The following CAB39L variants were observed in gnomAD, a reference collection of about 807,000 sequenced individuals.
The protein encoded by CAB39L is calcium-binding protein 39-like.
In CAB39L, 23 loss-of-function variants were observed where a neutral mutation model predicts 39.1. The observed-to-expected ratio is 0.59, with a 90% CI of 0.42 to 0.83. CAB39L has a LOEUF of 0.83. CAB39L is among the 40% of genes least tolerant of loss of function. CAB39L has a pLI of 0.00. For synonymous variants in CAB39L, 126 were observed against 137.2 expected (o/e 0.92, Z 0.57); for missense variants, 366 against 391.9 (o/e 0.93, Z 0.56).
At position 49,382,859 on chromosome 13, in the gene CAB39L, C is replaced by A; in HGVS notation, c.52G>T (p.Val18Leu). 6.2e-7 allele frequency: 1 copy of A among 1,611,728 alleles called. No homozygotes were observed. Among genetic ancestry groups the A allele is most frequent in the African/African-American group, 1.3e-5 (1 of 74,972 alleles). ...GCCAAATTGTCTTTCAGGATTTTCA[C>A]AATTTCTGCTGGATTTTTGTGTGAT... ...SKSHKNPAEI[V>L]KILKDNLAIL... Residue 18 changes from valine (V) to leucine (L), a missense_variant, in exon 4 of 11, where the codon GTG becomes TTG. Coordinates refer to ENST00000409308, the MANE Select transcript of CAB39L (RefSeq NM_001079670.3).
chr13:49,416,148 C>T (rs1421711053), intron 3 of CAB39L, among the ~76,000 whole-genome samples: 1 of 152,218 alleles, frequency 6.6e-6, no homozygotes, highest in Non-Finnish European at 1.5e-5. Context: ...CCCCAACTGT[C>T]TCACTGTTCA....
chr13:49,367,481 G>A (rs1294776443), intron 5 of CAB39L, among the ~76,000 whole-genome samples: 1 of 152,202 alleles, frequency 6.6e-6, no homozygotes, highest in Non-Finnish European at 1.5e-5. Context: ...TAAACATGCA[G>A]CTAACCATAA....
chr13:49,326,473 C>A (rs190729147), intron 10 of CAB39L, among the ~76,000 whole-genome samples: 43 of 152,308 alleles, frequency 2.8e-4, no homozygotes, highest in Admixed American at 2.3e-3. Flanking sequence ...AGCCTATTAG[C>A]AGGCTAATGA....
rs1179579885 is a variant in CAB39L, at chr13:49,329,544, AATATATATAT to A, written c.834+2393_834+2402del. Among the ~76,000 whole-genome samples, 200 of 33,752 alleles carry A rather than the reference AATATATATAT, an allele frequency of 5.9e-3. 2 individuals are homozygous for A. Among genetic ancestry groups the A allele is most frequent in the Middle Eastern group, 0.013 (1 of 76 alleles). The allele number at this position is 33,752 out of a possible 152,430, so 22.1% of individuals were successfully genotyped here. A position where few individuals can be genotyped will look rare whatever the true frequency, so the allele number is the denominator to read the frequency against. ...ACATATCTCTTCAATTAAAAAAAAAAATATATATATATATATATATATATATATATATATA... is the reference window on the plus strand; with the variant it reads ...ACATATCTCTTCAATTAAAAAAAAAAATATATATATATATATATATATATA... On this transcript the variant is annotated intron_variant, in intron 10 of 10. Transcript: ENST00000409308.
At chr13:49,334,673 A>G (rs1218880573) in intron 9 of CAB39L, among the ~76,000 whole-genome samples, 1 of 152,056 alleles carries the variant, frequency 6.6e-6, no homozygotes, top group African/African-American at 2.4e-5. Flanking sequence ...TTACAACCTA[A>G]CTGTGTGATG....
chr13:49,383,372 A>G (rs1191254680), intron 3 of CAB39L, among the ~76,000 whole-genome samples: 2 of 152,166 alleles, frequency 1.3e-5, no homozygotes, highest in African/African-American at 4.8e-5. Flanking sequence ...CACAAAAGAG[A>G]AAGGCACAGT....
intron 7 of CAB39L, among the ~76,000 whole-genome samples, chr13:49,348,197 C>T (rs1049465008): frequency 6.6e-6 from 1 of 152,078 alleles, no homozygotes; most frequent in Non-Finnish European, 1.5e-5. Flanking sequence ...GATGGCATTG[C>T]GGTTCCTTTC....
At chr13:49,442,151 C>T (rs1957535836) in intron 1 of CAB39L, among the ~76,000 whole-genome samples, 1 of 152,150 alleles carries the variant, frequency 6.6e-6, no homozygotes, top group South Asian at 2.1e-4. Flanking sequence ...CTATTCTATA[C>T]TTCTTTCATT....
At chr13:49,443,779 C>T (rs1341741283) in intron 1 of CAB39L, among the ~76,000 whole-genome samples, 1 of 152,172 alleles carries the variant, frequency 6.6e-6, no homozygotes, top group East Asian at 1.9e-4. Context: ...CACCACCATT[C>T]CTCGCTCTCT....
In CAB39L at chr13:49,339,696, G is replaced by GTAA; in HGVS notation, c.668_670dup (p.Val223_Thr224insIle). On this transcript the variant is annotated inframe_insertion, in exon 9 of 11. Coordinates refer to ENST00000409308, the MANE Select transcript of CAB39L (RefSeq NM_001079670.3). Reference sequence around the variant, plus strand: ...TATTACCTTTAAAGACTGTCTCTTAGTAACATAATTCTCAGACTGAAGCAA... The same window carrying GTAA: ...TATTACCTTTAAAGACTGTCTCTTAGTAATAACATAATTCTCAGACTGAAGCAA... 1.9e-6 allele frequency: 3 copies of GTAA among 1,579,076 alleles called. No homozygotes were observed. Among genetic ancestry groups the GTAA allele is most frequent in the South Asian group, 2.4e-5 (2 of 83,320 alleles).
At chr13:49,394,857 A>T (rs1214946481) in intron 3 of CAB39L, among the ~76,000 whole-genome samples, 4 of 152,198 alleles carry the variant, frequency 2.6e-5, no homozygotes, top group African/African-American at 9.6e-5. Context: ...ATTAAATTTG[A>T]TGAAATATGT....
At chr13:49,382,732 C>T (rs146734013) in intron 4 of CAB39L, 68 bp downstream of exon 4, 1 of 949,136 alleles carries the variant, frequency 1.1e-6, no homozygotes, top group African/African-American at 1.6e-5. Context: ...CTTCATTAAG[C>T]TTTTACATTG....
intron 10 of CAB39L, among the ~76,000 whole-genome samples, chr13:49,317,002 C>T (rs1005309441): frequency 1.3e-5 from 2 of 152,122 alleles, no homozygotes; most frequent in African/African-American, 4.8e-5. Context: ...GAAGATTCTC[C>T]CTGAGAGTCT....
chr13:49,394,551 A>T (rs1956565415), intron 3 of CAB39L, among the ~76,000 whole-genome samples: 1 of 152,114 alleles, frequency 6.6e-6, no homozygotes, highest in South Asian at 2.1e-4. Context: ...AAAATAAACT[A>T]AAATAAAGGA....
intron 6 of CAB39L, chr13:49,351,194 T>C: frequency 3.9e-6 from 1 of 259,016 alleles, no homozygotes; most frequent in Non-Finnish European, 7.2e-6. Flanking sequence ...AAAAGATAAT[T>C]TCATACACTG....
At chr13:49,404,952 A>G (rs1170945681) in intron 3 of CAB39L, among the ~76,000 whole-genome samples, 1 of 152,210 alleles carries the variant, frequency 6.6e-6, no homozygotes, top group Non-Finnish European at 1.5e-5. Flanking sequence ...TCAAAATGGC[A>G]AATCTAAGAG....
At position 49,428,809 on chromosome 13, in the gene CAB39L, A is replaced by C. The variant is rs74074081; in HGVS notation, c.-32+4509T>G. On this transcript the variant is annotated intron_variant, in intron 3 of 10. Transcript: ENST00000409308. The stretch of plus-strand genomic sequence containing the variant: ...GCCTCAATCATAAAAAGAAAGCAGG[A>C]AAGTAGGAGGTTGGTATGACTTTTG... Among the ~76,000 whole-genome samples the C allele has an allele frequency of 7.9e-3, 1,122 of 142,598 alleles. 13 individuals carry two copies. Among genetic ancestry groups the C allele is most frequent in the African/African-American group, 0.028 (1,049 of 37,158 alleles). 93.5% of individuals were successfully genotyped at this position (142,598 alleles called of 152,430 possible). A position where few individuals can be genotyped will look rare whatever the true frequency, so the allele number is the denominator to read the frequency against.
At position 49,350,887 on chromosome 13, in the gene CAB39L, G is replaced by C. The variant is rs372211572; in HGVS notation, c.421C>G (p.Arg141Gly). 13 of 1,600,626 alleles carry C rather than the reference G, an allele frequency of 8.1e-6. 1 individual carries two copies. In the East Asian group the frequency reaches 2.9e-4, roughly 36 times the overall value. ...KGYEAPQIAL[R>G]CGIMLRECIR... ...CATTCTCTCAGCATAATCCCACAAC[G>C]TAAGGCAATCTGTGGGGCTTCATAT... Residue 141 changes from arginine (R) to glycine (G), a missense_variant, in exon 7 of 11, where the codon CGT becomes GGT. Arg to Gly is a moderately radical substitution (Grantham distance 125, BLOSUM62 -2). Coordinates refer to ENST00000409308, the MANE Select transcript of CAB39L (RefSeq NM_001079670.3).
intron 9 of CAB39L, among the ~76,000 whole-genome samples, chr13:49,332,776 T>G (rs2138397147): frequency 6.6e-6 from 1 of 151,922 alleles, no homozygotes; most frequent in Non-Finnish European, 1.5e-5. Flanking sequence ...TCTTAGAAAC[T>G]TTTTGTTCTC....
Sources: gnomAD v4.1 joint callset for allele counts (sites outside exome capture counted in the v4.1 genomes callset) on GRCh38, gnomAD v4.1.1 for gene constraint, MANE v1.5 for transcripts, NCBI Gene and HGNC (gene_info 2026-07-23, HGNC 2026-07-21) for gene names.